Variants in CPXM2 observed in about 807,000 individuals in gnomAD.
CPXM2 encodes carboxypeptidase X, M14 family member 2, also known as inactive carboxypeptidase-like protein X2.
Under a neutral mutation model 86.1 loss-of-function variants are expected in CPXM2, and 66 were observed. The ratio of observed to expected loss-of-function variants is 0.77; its 90% CI spans 0.63 to 0.94. CPXM2 has a LOEUF of 0.94. Ranked by LOEUF, CPXM2 falls within the 40% of genes least tolerant of loss-of-function variation. CPXM2 has a pLI of 0.00. For synonymous variants in CPXM2, 388 were observed against 400.2 expected, an observed-to-expected ratio of 0.97 and a Z score of 0.36; for missense variants, 948 against 1,026.3, an observed-to-expected ratio of 0.92 and a Z score of 1.04.
chr10:123,870,968 G>C (rs1289640411), intron 2 of CPXM2, among the ~76,000 whole-genome samples: 1 of 152,168 alleles, frequency 6.6e-6, no homozygotes, highest in Non-Finnish European at 1.5e-5. Flanking sequence ...CACAAGCTCA[G>C]AGATTTTCTT....
chr10:123,763,061 C>T (rs1322524074), intron 10 of CPXM2, among the ~76,000 whole-genome samples: 1 of 149,644 alleles, frequency 6.7e-6, no homozygotes, highest in African/African-American at 2.5e-5. Flanking sequence ...ATTTATTTCA[C>T]ACGGAGTCTT....
chr10:123,847,868 G>A (rs1158519113), intron 3 of CPXM2, among the ~76,000 whole-genome samples: 3 of 152,096 alleles, frequency 2.0e-5, no homozygotes, highest in African/African-American at 7.2e-5. Context: ...ATCATTCTGC[G>A]GCAGTGAGTC....
At chr10:123,859,007 G>T (rs1848799139) in intron 3 of CPXM2, among the ~76,000 whole-genome samples, 1 of 152,190 alleles carries the variant, frequency 6.6e-6, no homozygotes, top group Non-Finnish European at 1.5e-5. Flanking sequence ...CTCACCCGAG[G>T]CCACATGGCT....
chr10:123,933,965 C>T (rs1417998636), intron 2 of CPXM2, among the ~76,000 whole-genome samples: 1 of 152,150 alleles, frequency 6.6e-6, no homozygotes, highest in Non-Finnish European at 1.5e-5. Context: ...GTTGTGTCTG[C>T]TCAGAAATGA....
intron 6 of CPXM2, among the ~76,000 whole-genome samples, chr10:123,794,975 G>C (rs1847298913): frequency 6.6e-6 from 1 of 152,116 alleles, no homozygotes; most frequent in South Asian, 2.1e-4. Context: ...TCAGCATGTT[G>C]GCCAGGCTGG....
chr10:123,852,415 C>G (rs1381876226), intron 3 of CPXM2, among the ~76,000 whole-genome samples: 1 of 152,188 alleles, frequency 6.6e-6, no homozygotes, highest in Non-Finnish European at 1.5e-5. Context: ...CTTCCAACCC[C>G]CCTCCATCAC....
chr10:123,907,875 T>G (rs1219643845), intron 2 of CPXM2, among the ~76,000 whole-genome samples: 2 of 148,386 alleles, frequency 1.3e-5, no homozygotes, highest in African/African-American at 5.0e-5. Context: ...CAGCAAAACA[T>G]ACAGAGCTTT....
intron 2 of CPXM2, among the ~76,000 whole-genome samples, chr10:123,927,408 A>G (rs1446183011): frequency 6.6e-6 from 1 of 152,238 alleles, no homozygotes; most frequent in Non-Finnish European, 1.5e-5. Flanking sequence ...ATCAGAGAGT[A>G]AAAACGTACA....
At chr10:123,797,067 G>A (rs1590011384) in intron 6 of CPXM2, among the ~76,000 whole-genome samples, 2 of 152,366 alleles carry the variant, frequency 1.3e-5, no homozygotes, top group African/African-American at 4.8e-5. Flanking sequence ...CCTGTGCAGA[G>A]AAGACATTAC....
chr10:123,800,820 T>G (rs1847441170), intron 4 of CPXM2, among the ~76,000 whole-genome samples: 1 of 152,232 alleles, frequency 6.6e-6, no homozygotes, highest in Non-Finnish European at 1.5e-5. Flanking sequence ...CCTACTTATG[T>G]TTGAATCGTA....
At chr10:123,820,698 G>A (rs1482887992) in intron 4 of CPXM2, among the ~76,000 whole-genome samples, 1 of 152,160 alleles carries the variant, frequency 6.6e-6, no homozygotes, top group African/African-American at 2.4e-5. Flanking sequence ...CTGTTTCCCT[G>A]CCTTTTCCAG....
intron 2 of CPXM2, among the ~76,000 whole-genome samples, chr10:123,871,262 T>C (rs143652274): frequency 2.3e-3 from 351 of 152,366 alleles, no homozygotes; most frequent in Non-Finnish European, 3.2e-3. Context: ...TCTGTCTCCC[T>C]GAACAGGCTG....
Position 123,914,113 on chromosome 10 carries a change from T to C in CPXM2, n.174+25364A>G, listed in dbSNP as rs916710552. 6 of 461,538 alleles carry C rather than the reference T, an allele frequency of 1.3e-5. No homozygotes were observed. The East Asian group carries it at 4.0e-4, about 31-fold the overall frequency. 28.6% of individuals were successfully genotyped at this position (461,538 alleles called of 1,614,324 possible). A position where few individuals can be genotyped will look rare whatever the true frequency, so the allele number is the denominator to read the frequency against. On this transcript the variant is annotated intron_variant and non_coding_transcript_variant, in intron 2 of 19. Transcript: ENST00000368854. ...ATTTGGGAGGAGATCCAGCCTGCCC[T>C]GTGCCTGAGAAGCAGAGGAAATGAG...
intron 4 of CPXM2, among the ~76,000 whole-genome samples, chr10:123,835,838 G>T (rs1365327263): frequency 6.6e-6 from 1 of 152,230 alleles, no homozygotes; most frequent in Non-Finnish European, 1.5e-5. Context: ...GGAACAAGGG[G>T]ACACAGAGGC....
chr10:123,814,782 G>A (rs759189242), intron 4 of CPXM2, among the ~76,000 whole-genome samples: 7 of 152,160 alleles, frequency 4.6e-5, no homozygotes, highest in Non-Finnish European at 5.9e-5. Context: ...CCAGCAATTT[G>A]GGAGGCTGAG....
At chr10:123,917,071 G>A (rs1945539846) in intron 2 of CPXM2, among the ~76,000 whole-genome samples, 1 of 152,130 alleles carries the variant, frequency 6.6e-6, no homozygotes, top group Non-Finnish European at 1.5e-5. Context: ...CGGACCTAGT[G>A]TTTCTGAAAT....
At chr10:123,940,171 A>G (rs1323757475) in exon 1 of CPXM2, 2 of 152,292 alleles carry the variant, frequency 1.3e-5, no homozygotes, top group African/African-American at 2.4e-5. Flanking sequence ...CAGTCCTGCC[A>G]TCAGGGCAGG....
intron 2 of CPXM2, among the ~76,000 whole-genome samples, chr10:123,914,310 C>G (rs894127602): frequency 6.6e-6 from 1 of 152,216 alleles, no homozygotes; most frequent in Admixed American, 6.5e-5. Context: ...CAGGCCTTCT[C>G]TGCCTCGTCT....
chr10:123,754,388 C>T lies in CPXM2; in HGVS notation c.2017+275G>A. ...CAACAACTCCATGGAGACAGAGCTGCTTCCTCAACTCCTTAGAAACTTCCA... is the reference window on the plus strand; with the variant it reads ...CAACAACTCCATGGAGACAGAGCTGTTTCCTCAACTCCTTAGAAACTTCCA... On this transcript the variant is annotated intron_variant, in intron 13 of 13. Coordinates refer to ENST00000241305, the MANE Select transcript of CPXM2 (RefSeq NM_198148.3). This position sits in a 1 kb window ranked among gnomAD's most constrained non-coding sequence, Gnocchi z 4.0. Among the ~76,000 whole-genome samples the T allele has an allele frequency of 6.6e-6, 1 of 152,226 alleles. No homozygotes were observed. Among genetic ancestry groups the T allele is most frequent in the Non-Finnish European group, 1.5e-5 (1 of 68,042 alleles).
Sources: gnomAD v4.1 joint callset for allele counts (sites outside exome capture counted in the v4.1 genomes callset) on GRCh38, gnomAD v4.1.1 for gene constraint, Gnocchi (gnomAD v3.1) non-coding constraint, MANE v1.5 for transcripts, NCBI Gene and HGNC (gene_info 2026-07-23, HGNC 2026-07-21) for gene names.